The following SH3GL2 variants were observed in gnomAD, a reference collection of about 807,000 sequenced individuals.
SH3GL2 encodes SH3 domain containing GRB2 like 2, endophilin A1, also known as endophilin-A1.
SH3GL2 carries 24 observed loss-of-function variants against 46.0 expected under a neutral mutation model. That is an observed-to-expected ratio of 0.52 (90% CI 0.38 to 0.73). The LOEUF (loss-of-function observed/expected upper bound fraction) is 0.73, where lower values mean the gene tolerates loss of function less well. Among genes scored for constraint, SH3GL2 ranks in the 30% least tolerant of loss-of-function variants. The pLI is 0.00. For synonymous variants in SH3GL2, 196 were observed against 147.1 expected, an observed-to-expected ratio of 1.33 and a Z score of -2.40; for missense variants, 413 against 424.2, an observed-to-expected ratio of 0.97 and a Z score of 0.23.
chr9:17,735,991 C>T (rs540224287), intron 1 of SH3GL2, among the ~76,000 whole-genome samples: 8 of 152,144 alleles, frequency 5.3e-5, no homozygotes, highest in Middle Eastern at 3.4e-3. Context: ...CACAATTTCT[C>T]GTTTGATTCA....
chr9:17,649,478 A>T (rs2134662988), intron 1 of SH3GL2, among the ~76,000 whole-genome samples: 1 of 152,346 alleles, frequency 6.6e-6, no homozygotes, highest in South Asian at 2.1e-4. Context: ...TTTCAGTATA[A>T]TTTAAGTGAA....
chr9:17,689,688 C>G (rs1445482546), intron 1 of SH3GL2, among the ~76,000 whole-genome samples: 1 of 152,046 alleles, frequency 6.6e-6, no homozygotes, highest in African/African-American at 2.4e-5. Context: ...GCCATTTCCT[C>G]TGCCTGAATC....
intron 1 of SH3GL2, among the ~76,000 whole-genome samples, chr9:17,619,692 AT>A (rs1819093638): frequency 2.0e-5 from 3 of 150,494 alleles, no homozygotes; most frequent in African/African-American, 7.5e-5. Flanking sequence ...AAAAAATAAA[AT>A]AAAATAAGTG....
At chr9:17,771,333 A>T (rs181292091) in intron 3 of SH3GL2, among the ~76,000 whole-genome samples, 1 of 152,316 alleles carries the variant, frequency 6.6e-6, no homozygotes, top group Admixed American at 6.5e-5. Context: ...ATAGCAAAGA[A>T]CACTTGGCAC....
intron 1 of SH3GL2, among the ~76,000 whole-genome samples, chr9:17,650,637 G>GT (rs1819934131): frequency 6.6e-6 from 1 of 152,202 alleles, no homozygotes. Flanking sequence ...GATTACAGGC[G>GT]TGAGTCACCA....
Position 17,795,606 on chromosome 9 carries a change from G to C in SH3GL2, c.922G>C (p.Glu308Gln), listed in dbSNP as rs1824252014. The C allele has an allele frequency of 6.2e-7, 1 of 1,613,964 alleles. No homozygotes were observed. Among genetic ancestry groups the C allele is most frequent in the Non-Finnish European group, 8.5e-7 (1 of 1,179,968 alleles). The part of the protein sequence containing the change: ...LYDFEPENEG[E>Q]LGFKEGDIIT... The stretch of plus-strand genomic sequence containing the variant: ...CGACTTTGAACCTGAAAATGAAGGG[G>C]AGTTGGGATTTAAAGAGGGCGATAT... Residue 308 changes from glutamate (E) to glutamine (Q), a missense_variant, in exon 9 of 9, where the codon GAG (glutamate) becomes CAG (glutamine). By Grantham distance (29) the Glu-to-Gln change is conservative (BLOSUM62 2). Coordinates refer to ENST00000380607, the MANE Select transcript of SH3GL2 (RefSeq NM_003026.5).
intron 1 of SH3GL2, among the ~76,000 whole-genome samples, chr9:17,684,146 A>C (rs950283759): frequency 6.6e-6 from 1 of 152,172 alleles, no homozygotes; most frequent in African/African-American, 2.4e-5. Context: ...ACTATCAGAG[A>C]ATTTTAAATA....
rs180878657 is a variant in SH3GL2 at position 17,637,415 on chromosome 9, C to G, written c.45+58128C>G. ...CCCATAAACGTCTGGTTATAGCTCCCTTGTAGCACTTGTGCTGTTTATTAT... is the reference window on the plus strand; with the variant it reads ...CCCATAAACGTCTGGTTATAGCTCCGTTGTAGCACTTGTGCTGTTTATTAT... On this transcript the variant is annotated intron_variant, in intron 1 of 8. Transcript: ENST00000380607. 1.9e-4 allele frequency among the ~76,000 whole-genome samples: 29 copies of G among 152,270 alleles called. No homozygotes were observed. In the East Asian group the frequency reaches 3.1e-3, roughly 16 times the overall value.
chr9:17,754,518 A>G (rs1242012755), intron 2 of SH3GL2, among the ~76,000 whole-genome samples: 1 of 151,934 alleles, frequency 6.6e-6, no homozygotes, highest in Non-Finnish European at 1.5e-5. Context: ...CTAAATATAC[A>G]AAAAATTAGC....
chr9:17,739,270 C>T (rs1024586695), intron 1 of SH3GL2, among the ~76,000 whole-genome samples: 2 of 152,036 alleles, frequency 1.3e-5, no homozygotes, highest in Non-Finnish European at 2.9e-5. Flanking sequence ...TTAACCAGCT[C>T]AGAAATCCCA....
intron 1 of SH3GL2, among the ~76,000 whole-genome samples, chr9:17,621,741 G>A (rs1480799002): frequency 1.3e-5 from 2 of 152,206 alleles, no homozygotes; most frequent in Non-Finnish European, 2.9e-5. Flanking sequence ...CTGCCTTCAT[G>A]TGGTAAGTGG....
At chr9:17,599,997 A>C (rs1818640200) in intron 1 of SH3GL2, among the ~76,000 whole-genome samples, 1 of 151,586 alleles carries the variant, frequency 6.6e-6, no homozygotes, top group African/African-American at 2.4e-5. Context: ...AAATTAGGAC[A>C]CTTTGTCATT....
chr9:17,787,192 A>T (rs1823983473), intron 4 of SH3GL2, among the ~76,000 whole-genome samples, 188 bp from the exon 5 acceptor site: 1 of 152,102 alleles, frequency 6.6e-6, no homozygotes. Context: ...TCTTGATGAG[A>T]GGTATTTACC....
chr9:17,668,614 T>C (rs896452404), intron 1 of SH3GL2, among the ~76,000 whole-genome samples: 1 of 152,190 alleles, frequency 6.6e-6, no homozygotes, highest in African/African-American at 2.4e-5. Flanking sequence ...CTTATAATTC[T>C]GTCATTTTCA....
intron 1 of SH3GL2, among the ~76,000 whole-genome samples, chr9:17,715,466 G>A (rs1029572282): frequency 6.6e-6 from 1 of 151,476 alleles, no homozygotes; most frequent in Non-Finnish European, 1.5e-5. Flanking sequence ...TAACTCACTC[G>A]ATATTGTCCT....
At chr9:17,737,516 A>G (rs118053523) in intron 1 of SH3GL2, among the ~76,000 whole-genome samples, 2,599 of 152,146 alleles carry the variant, frequency 0.017, 26 homozygotes, top group Non-Finnish European at 0.028. Context: ...CGCAGTTTGC[A>G]CTGCTGGAAG....
intron 1 of SH3GL2, among the ~76,000 whole-genome samples, chr9:17,697,887 T>C (rs904382396): frequency 4.6e-5 from 7 of 152,198 alleles, no homozygotes; most frequent in African/African-American, 7.2e-5. Flanking sequence ...TGTCATGATA[T>C]TGGTTGAAGG....
chr9:17,765,707 A>G (rs759123252), intron 3 of SH3GL2, among the ~76,000 whole-genome samples: 1 of 152,162 alleles, frequency 6.6e-6, no homozygotes, highest in African/African-American at 2.4e-5. Flanking sequence ...CCTTGGCTCC[A>G]ACCACATTAG....
intron 1 of SH3GL2, among the ~76,000 whole-genome samples, chr9:17,697,420 C>T (rs900000817): frequency 1.3e-5 from 2 of 151,878 alleles, no homozygotes; most frequent in Non-Finnish European, 2.9e-5. Flanking sequence ...GACAGGGTTT[C>T]ACCATGCTGG....
Sources: gnomAD v4.1 joint callset for allele counts (sites outside exome capture counted in the v4.1 genomes callset) on GRCh38, gnomAD v4.1.1 for gene constraint, MANE v1.5 for transcripts, NCBI Gene and HGNC (gene_info 2026-07-23, HGNC 2026-07-21) for gene names.